CDKAL1: variants seen among roughly 807,000 people sequenced by gnomAD.
CDKAL1 encodes CDKAL1 threonylcarbamoyladenosine tRNA methylthiotransferase, also known as threonylcarbamoyladenosine tRNA methylthiotransferase.
A neutral mutation model predicts 68.2 loss-of-function variants in CDKAL1; 32 were observed. That is an observed-to-expected ratio of 0.47 (90% CI 0.35 to 0.63). The LOEUF (loss-of-function observed/expected upper bound fraction) is 0.63, where lower values mean the gene tolerates loss of function less well. Among genes scored for constraint, CDKAL1 ranks in the 30% least tolerant of loss-of-function variants. The pLI, the probability that CDKAL1 is intolerant of heterozygous loss-of-function variation, is 0.00. For missense variants in CDKAL1, 606 were observed against 696.7 expected, an observed-to-expected ratio of 0.87 and a Z score of 1.47; for synonymous variants, 234 against 244.3, an observed-to-expected ratio of 0.96 and a Z score of 0.39.
intron 9 of CDKAL1, among the ~76,000 whole-genome samples, chr6:20,888,994 C>A (rs113365517): frequency 5.6e-4 from 86 of 152,220 alleles, no homozygotes; most frequent in East Asian, 3.7e-3. Context: ...CCAACAGTGT[C>A]AAAGTGTTCC....
intron 5 of CDKAL1, among the ~76,000 whole-genome samples, chr6:20,673,138 T>C (rs1007371460): frequency 6.6e-6 from 1 of 152,184 alleles, no homozygotes; most frequent in Admixed American, 6.5e-5. Context: ...GTGAAGTCCT[T>C]CTGTTTAAGA....
chr6:20,686,030 T>C (rs1262447496), intron 5 of CDKAL1, among the ~76,000 whole-genome samples: 1 of 152,200 alleles, frequency 6.6e-6, no homozygotes, highest in Non-Finnish European at 1.5e-5. Flanking sequence ...CAGTTGACTT[T>C]TATATATTAA....
At chr6:20,547,484 G>C (rs997934748) in intron 3 of CDKAL1, among the ~76,000 whole-genome samples, 1 of 152,080 alleles carries the variant, frequency 6.6e-6, no homozygotes, top group Non-Finnish European at 1.5e-5. Context: ...CCCTATTTAC[G>C]CTATTATAGT....
At chr6:20,776,954 T>C (rs1775198754) in intron 7 of CDKAL1, among the ~76,000 whole-genome samples, 1 of 152,174 alleles carries the variant, frequency 6.6e-6, no homozygotes, top group Non-Finnish European at 1.5e-5. Context: ...TTTGGAGAAC[T>C]GTCAGGTTCA....
intron 4 of CDKAL1, among the ~76,000 whole-genome samples, chr6:20,619,739 A>G (rs1767091370): frequency 6.6e-6 from 1 of 152,144 alleles, no homozygotes; most frequent in African/African-American, 2.4e-5. Flanking sequence ...TACATATTTG[A>G]CTGGTTAGGT....
In CDKAL1 at chr6:21,071,457, A is replaced by T. The variant is rs544496654; in HGVS notation, c.1236+6229A>T. On this transcript the variant is annotated intron_variant, in intron 12 of 15. Coordinates refer to ENST00000274695, the MANE Select transcript of CDKAL1 (RefSeq NM_017774.3). ...TGAGCCAATTAAACCTCTTTTCTTT[A>T]TAATTTACCCAGTCTCAGGCATTTC... is the stretch of plus-strand genomic sequence containing the variant. Among the ~76,000 whole-genome samples, 275 of 152,292 alleles carry T rather than the reference A, an allele frequency of 1.8e-3. 1 individual carries two copies. The highest frequency in any genetic ancestry group is 6.0e-3 in the African/African-American group (248 of 41,542).
chr6:20,831,298 A>T (rs1777707111), intron 8 of CDKAL1, among the ~76,000 whole-genome samples: 1 of 152,178 alleles, frequency 6.6e-6, no homozygotes, highest in Non-Finnish European at 1.5e-5. Context: ...AGTCGTCAAG[A>T]TACTTAAAGA....
intron 6 of CDKAL1, among the ~76,000 whole-genome samples, chr6:20,741,336 T>A (rs914636305): frequency 3.3e-5 from 5 of 152,106 alleles, no homozygotes; most frequent in Non-Finnish European, 7.4e-5. Context: ...TAAACTTCTA[T>A]TTTAAGTTGA....
intron 13 of CDKAL1, among the ~76,000 whole-genome samples, chr6:21,185,307 G>A (rs894326312): frequency 6.6e-6 from 1 of 151,222 alleles, no homozygotes; most frequent in African/African-American, 2.4e-5. Context: ...ATTGAAAATT[G>A]TTTGGACTAA....
intron 5 of CDKAL1, among the ~76,000 whole-genome samples, chr6:20,711,508 C>G (rs73377341): frequency 0.023 from 3,546 of 152,182 alleles, 156 homozygotes; most frequent in African/African-American, 0.08. Flanking sequence ...AATATGGATG[C>G]TGGAGTCAAA....
At chr6:20,891,475 C>T (rs555842021) in intron 9 of CDKAL1, among the ~76,000 whole-genome samples, 12 of 151,980 alleles carry the variant, frequency 7.9e-5, no homozygotes, top group African/African-American at 2.9e-4. Context: ...AGTCATCCTT[C>T]GCTTCTTATT....
At chr6:20,854,542 T>G (rs1335575483) in intron 9 of CDKAL1, among the ~76,000 whole-genome samples, 3 of 152,158 alleles carry the variant, frequency 2.0e-5, no homozygotes, top group Non-Finnish European at 4.4e-5. Flanking sequence ...CTTCTGCCAG[T>G]AAGGAGGACA....
chr6:20,876,866 A>G (rs913825737), intron 9 of CDKAL1, among the ~76,000 whole-genome samples: 1 of 152,250 alleles, frequency 6.6e-6, no homozygotes, highest in African/African-American at 2.4e-5. Context: ...ACGTACACAC[A>G]GAGCTACCTA....
intron 9 of CDKAL1, among the ~76,000 whole-genome samples, chr6:20,847,113 A>G (rs935092168): frequency 6.6e-6 from 1 of 152,184 alleles, no homozygotes; most frequent in African/African-American, 2.4e-5. Context: ...TAATAGAGAA[A>G]AATATCTCCT....
At chr6:20,702,400 T>G (rs1464572474) in intron 5 of CDKAL1, among the ~76,000 whole-genome samples, 1 of 152,216 alleles carries the variant, frequency 6.6e-6, no homozygotes, top group Non-Finnish European at 1.5e-5. Flanking sequence ...GAGGGCTTTC[T>G]GTATCCCGGA....
In CDKAL1 at chr6:20,580,852, C is replaced by T. The variant is rs191874420; in HGVS notation, c.286+32147C>T. ...TTGCCCAGGCTGAAGTGCAATGGTGCGATCTCGGCTTACTGCAACCTCCAT... is the reference window on the plus strand; with the variant it reads ...TTGCCCAGGCTGAAGTGCAATGGTGTGATCTCGGCTTACTGCAACCTCCAT... On this transcript the variant is annotated intron_variant, in intron 4 of 15. Transcript: ENST00000274695. 3.2e-4 allele frequency among the ~76,000 whole-genome samples: 49 copies of T among 151,662 alleles called. 1 individual carries two copies. In the East Asian group the frequency reaches 6.2e-3, roughly 19 times the overall value.
intron 15 of CDKAL1, among the ~76,000 whole-genome samples, chr6:21,229,189 C>T (rs1176197322): frequency 6.6e-6 from 1 of 152,204 alleles, no homozygotes; most frequent in African/African-American, 2.4e-5. Flanking sequence ...ATTCTTCCCA[C>T]ACAATCACAT....
chr6:20,863,942 TCTG>T, intron 9 of CDKAL1, among the ~76,000 whole-genome samples: 1 of 152,320 alleles, frequency 6.6e-6, no homozygotes, highest in East Asian at 1.9e-4. Context: ...TATGCAATGG[TCTG>T]ACCTTCATTT....
chr6:20,804,313 T>G (rs1304005191), intron 8 of CDKAL1, among the ~76,000 whole-genome samples: 1 of 152,200 alleles, frequency 6.6e-6, no homozygotes, highest in Non-Finnish European at 1.5e-5. Context: ...AATGGTAGTA[T>G]GAACTCAGAG....
Sources: allele counts gnomAD v4.1 joint callset (sites outside exome capture counted in the v4.1 genomes callset), GRCh38; gene constraint gnomAD v4.1.1; transcripts MANE v1.5; gene names NCBI Gene and HGNC (gene_info 2026-07-23, HGNC 2026-07-21).